KLRG1: variants seen among roughly 807,000 people sequenced by gnomAD.
The protein encoded by KLRG1 is killer cell lectin-like receptor subfamily G member 1.
KLRG1 carries 16 observed loss-of-function variants against 21.8 expected under a neutral mutation model. The ratio of observed to expected loss-of-function variants is 0.73; its 90% confidence interval spans 0.50 to 1.11. The LOEUF (loss-of-function observed/expected upper bound fraction) is 1.11. Ranked by LOEUF, KLRG1 falls within the 50% of genes most tolerant of loss-of-function variation. The pLI is 0.00. For synonymous variants in KLRG1, 69 were observed against 75.9 expected, an observed-to-expected ratio of 0.91 and a Z score of 0.47; for missense variants, 173 against 218.3, an observed-to-expected ratio of 0.79 and a Z score of 1.31.
At chr12:9,038,138 A>G in the KLRG1 span, among the ~76,000 whole-genome samples, 212 of 152,270 alleles carry the variant, frequency 1.4e-3, no homozygotes, top group African/African-American at 4.9e-3. Flanking sequence ...GTGCTTGCCT[A>G]TAGTCCTACC....
the KLRG1 span, chr12:9,111,971 CAGAA>C: frequency 2.6e-6 from 2 of 760,468 alleles, no homozygotes; most frequent in Admixed American, 3.5e-5. Flanking sequence ...AGCACCAAGA[CAGAA>C]AGAATTACCT....
At chr12:9,112,719 A>G in the KLRG1 span, 1 of 611,794 alleles carries the variant, frequency 1.6e-6, no homozygotes, top group South Asian at 2.0e-5. Flanking sequence ...GAGACAGGAC[A>G]CAAGGTGGAG....
At chr12:9,068,338 T>C in the KLRG1 span, 7 of 1,065,848 alleles carry the variant, frequency 6.6e-6, no homozygotes, top group Non-Finnish European at 9.5e-6. Context: ...AGAACAGTAT[T>C]GTACCAGAAA....
chr12:9,086,856 T>G, the KLRG1 span, among the ~76,000 whole-genome samples: 1 of 152,218 alleles, frequency 6.6e-6, no homozygotes, highest in African/African-American at 2.4e-5. Flanking sequence ...TTTTCACTGT[T>G]GGTGATGACA....
the KLRG1 span, chr12:9,158,458 A>G: frequency 1.9e-6 from 3 of 1,614,164 alleles, no homozygotes; most frequent in East Asian, 6.7e-5. Context: ...GAGCTCCTGA[A>G]ACAGCCATTG....
chr12:9,174,491 T>C, the KLRG1 span, among the ~76,000 whole-genome samples: 10 of 152,280 alleles, frequency 6.6e-5, no homozygotes, highest in African/African-American at 2.4e-4. Context: ...GCAAGAGAAA[T>C]AAATAAAGTG....
At chr12:9,169,339 A>G in the KLRG1 span, 5 of 1,224,118 alleles carry the variant, frequency 4.1e-6, no homozygotes, top group Admixed American at 1.3e-4. Context: ...AGGCAAGGCT[A>G]CATAATTACT....
chr12:9,173,548 GAA>G, the KLRG1 span, among the ~76,000 whole-genome samples: 1 of 151,232 alleles, frequency 6.6e-6, no homozygotes, highest in African/African-American at 2.4e-5. Context: ...TGGTTTTTTT[GAA>G]AAAAAGTTAA....
At chr12:9,168,889 A>C in the KLRG1 span, 1 of 1,613,802 alleles carries the variant, frequency 6.2e-7, no homozygotes. Context: ...TCCTTGACCT[A>C]CTGCTCCTGC....
the KLRG1 span, chr12:9,194,149 G>A: frequency 3.1e-6 from 5 of 1,613,934 alleles, no homozygotes; most frequent in Admixed American, 8.3e-5. Flanking sequence ...GCTCATTGGT[G>A]GTTGCATTGG....
chr12:9,101,438 C>CTATTAT, the KLRG1 span: 2 of 1,608,358 alleles, frequency 1.2e-6, no homozygotes, highest in South Asian at 2.2e-5. Context: ...CAGTAACCTC[C>CTATTAT]CTTCTCACCA....
At chr12:9,093,599 A>C in the KLRG1 span, 7 of 1,415,642 alleles carry the variant, frequency 4.9e-6, no homozygotes, top group South Asian at 9.3e-5. Context: ...GTGAGGAAGA[A>C]GACATTACAA....
At chr12:9,074,554 A>G in the KLRG1 span, 1 of 1,603,054 alleles carries the variant, frequency 6.2e-7, no homozygotes, top group Non-Finnish European at 8.5e-7. Flanking sequence ...TTGGCAAATC[A>G]CCAACCTGGG....
At chr12:9,154,696 C>G in the KLRG1 span, 1 of 1,614,170 alleles carries the variant, frequency 6.2e-7, no homozygotes, top group Non-Finnish European at 8.5e-7. Flanking sequence ...GTCAGGTCCC[C>G]TGAGGTGGGG....
At chr12:9,036,525 C>A in the KLRG1 span, 1 of 160,290 alleles carries the variant, frequency 6.2e-6, no homozygotes, top group Non-Finnish European at 1.4e-5. Flanking sequence ...TCATTTAATG[C>A]AGACACTGGA....
the KLRG1 span, chr12:9,090,074 C>T: frequency 6.4e-7 from 1 of 1,557,152 alleles, no homozygotes; most frequent in South Asian, 1.2e-5. Flanking sequence ...TTCCTCCATG[C>T]CTCCAAACTC....
At chr12:9,089,559 G>A in the KLRG1 span, among the ~76,000 whole-genome samples, 22 of 152,082 alleles carry the variant, frequency 1.4e-4, no homozygotes, top group African/African-American at 5.1e-4. Flanking sequence ...TGGCCAACGT[G>A]GTGAAATCCT....
chr12:9,110,348 GA>G, the KLRG1 span: 3 of 1,388,848 alleles, frequency 2.2e-6, no homozygotes. Flanking sequence ...AAAGACAAAA[GA>G]AAAAAGAAGT....
intron 1 of KLRG1, among the ~76,000 whole-genome samples, chr12:8,973,462 T>A (rs1420213889): frequency 1.3e-5 from 2 of 152,168 alleles, no homozygotes; most frequent in Admixed American, 1.3e-4. Flanking sequence ...TCTGCCCATA[T>A]GAGAACAAGT....
Sources: allele counts gnomAD v4.1 joint callset (sites outside exome capture counted in the v4.1 genomes callset), GRCh38; gene constraint gnomAD v4.1.1; transcripts MANE v1.5; gene names NCBI Gene and HGNC (gene_info 2026-07-23, HGNC 2026-07-21).